OSBPL1A: variants seen among roughly 807,000 people sequenced by gnomAD.
OSBPL1A encodes oxysterol-binding protein-related protein 1.
A neutral mutation model predicts 137.1 loss-of-function variants in OSBPL1A; 80 were observed. The observed-to-expected ratio is 0.58, with a 90% CI of 0.49 to 0.70. The LOEUF is 0.70. Among genes scored for constraint, OSBPL1A ranks in the 30% least tolerant of loss-of-function variants. The probability of loss-of-function intolerance (pLI) is 0.00; values close to 1 mark genes in which losing one functional copy is unlikely to be tolerated. For synonymous variants in OSBPL1A, 365 were observed against 389.7 expected (o/e 0.94, Z 0.75); for missense variants, 970 against 1,129.4 (o/e 0.86, Z 2.02).
At chr18:24,307,739 A>T (rs959953175) in intron 13 of OSBPL1A, among the ~76,000 whole-genome samples, 1 of 152,188 alleles carries the variant, frequency 6.6e-6, no homozygotes, top group Non-Finnish European at 1.5e-5. Flanking sequence ...GTGGATGTAC[A>T]TGCAACTTTC....
chr18:24,263,198 A>G (rs1352060733), intron 15 of OSBPL1A, among the ~76,000 whole-genome samples: 1 of 152,184 alleles, frequency 6.6e-6, no homozygotes, highest in East Asian at 1.9e-4. Context: ...TGGAATCACA[A>G]CTTAGGAGGT....
chr18:24,164,420 G>GGTTTTTTTTTTTTTTTTTTTTTTTTTTTT, intron 27 of OSBPL1A, among the ~76,000 whole-genome samples: 1 of 95,970 alleles, frequency 1.0e-5, no homozygotes. Context: ...GAGATTTTTG[G>GGTTTTTTTTTTTTTTTTTTTTTTTTTTTT]TTTTTTTTTT....
rs537798242 is a variant in OSBPL1A, at chr18:24,356,235, G to A, written c.282+10657C>T. 3.3e-5 allele frequency among the ~76,000 whole-genome samples: 5 copies of A among 152,220 alleles called. No homozygotes were observed. In the South Asian group the frequency reaches 1.0e-3, roughly 32 times the overall value. On this transcript the variant is annotated intron_variant, in intron 4 of 27. Coordinates refer to ENST00000319481, the MANE Select transcript of OSBPL1A (RefSeq NM_080597.4). The stretch of plus-strand genomic sequence containing the variant: ...AGTTTCTGGACCTGAGTCAACTTTG[G>A]ACATAGAACTATTTACTGAAGGAGA...
chr18:24,355,804 G>A (rs1027940710), intron 4 of OSBPL1A, among the ~76,000 whole-genome samples: 1 of 151,962 alleles, frequency 6.6e-6, no homozygotes, highest in African/African-American at 2.4e-5. Flanking sequence ...GGCCAACATG[G>A]TGAAACCCTG....
In OSBPL1A at chr18:24,347,504, C is replaced by G. The variant is rs187367658; in HGVS notation, c.283-5846G>C. On this transcript the variant is annotated intron_variant, in intron 4 of 27. Transcript: ENST00000319481. ...CCGGCCGTAAAGCAATTTCTTAATG[C>G]AGGCTTCAGGTTTCAAGATTAGAAA... 2.0e-4 allele frequency among the ~76,000 whole-genome samples: 30 copies of G among 152,140 alleles called. 1 individual carries two copies. In the East Asian group the frequency reaches 5.4e-3, roughly 28 times the overall value.
At chr18:24,178,719 A>T (rs978293988) in intron 20 of OSBPL1A, among the ~76,000 whole-genome samples, 1 of 152,218 alleles carries the variant, frequency 6.6e-6, no homozygotes, top group Non-Finnish European at 1.5e-5. Flanking sequence ...GAACACCCAG[A>T]TGAATTTGAA....
At chr18:24,194,497 ATAC>A (rs1451028936) in intron 18 of OSBPL1A, among the ~76,000 whole-genome samples, 1 of 152,224 alleles carries the variant, frequency 6.6e-6, no homozygotes, top group Non-Finnish European at 1.5e-5. Flanking sequence ...ATACAAATAA[ATAC>A]TAATTTTTAT....
At chr18:24,230,935 T>C (rs1022117269) in intron 16 of OSBPL1A, among the ~76,000 whole-genome samples, 10 of 152,126 alleles carry the variant, frequency 6.6e-5, no homozygotes, top group African/African-American at 2.4e-4. Flanking sequence ...TTCAGGTGAC[T>C]CAGTCGATGA....
At chr18:24,312,166 A>G (rs946622023) in intron 12 of OSBPL1A, 60 bp from the exon 13 acceptor site, 8 of 1,592,268 alleles carry the variant, frequency 5.0e-6, no homozygotes, top group Non-Finnish European at 6.9e-6. Context: ...AAGAGATAAT[A>G]TTACAATGAT....
chr18:24,230,887 T>C (rs1206796289), intron 16 of OSBPL1A, among the ~76,000 whole-genome samples: 1 of 152,180 alleles, frequency 6.6e-6, no homozygotes, highest in African/African-American at 2.4e-5. Flanking sequence ...TAAGCACTTA[T>C]TTGTGGGTGT....
In OSBPL1A at chr18:24,253,412, C is replaced by T. The variant is rs118002877; in HGVS notation, c.1282-14030G>A. Among the ~76,000 whole-genome samples, 354 of 152,238 alleles carry T rather than the reference C, an allele frequency of 2.3e-3. 4 individuals carry two copies. The highest frequency in any genetic ancestry group is 0.012 in the South Asian group (56 of 4,812). ...TATAATGATAAAGAAGTAAATCCAG[C>T]AGCAGGATATAATAATTGTGTAACC... is the stretch of plus-strand genomic sequence containing the variant. On this transcript the variant is annotated intron_variant, in intron 15 of 27. Transcript: ENST00000319481.
At chr18:24,218,647 T>C (rs893991016) in intron 17 of OSBPL1A, among the ~76,000 whole-genome samples, 7 of 152,206 alleles carry the variant, frequency 4.6e-5, no homozygotes, top group Admixed American at 6.5e-5. Flanking sequence ...GGTTTCACTA[T>C]GTTGGCCAGG....
At chr18:24,245,201 T>A (rs956037683) in intron 15 of OSBPL1A, among the ~76,000 whole-genome samples, 3 of 152,046 alleles carry the variant, frequency 2.0e-5, no homozygotes, top group Admixed American at 6.5e-5. Context: ...ACTCAAGCGA[T>A]CCTCCTGCCT....
chr18:24,308,055 A>C (rs2090540682), intron 13 of OSBPL1A, among the ~76,000 whole-genome samples: 1 of 151,740 alleles, frequency 6.6e-6, no homozygotes, highest in African/African-American at 2.4e-5. Context: ...ATTTATTCTT[A>C]AATCAGAAAA....
intron 15 of OSBPL1A, among the ~76,000 whole-genome samples, chr18:24,264,137 C>T (rs940363365): frequency 6.6e-6 from 1 of 152,114 alleles, no homozygotes; most frequent in Non-Finnish European, 1.5e-5. Context: ...GCAGGACCTA[C>T]CAGTGATGAA....
chr18:24,245,729 T>C (rs2088860789), intron 15 of OSBPL1A, among the ~76,000 whole-genome samples: 1 of 152,236 alleles, frequency 6.6e-6, no homozygotes, highest in Middle Eastern at 3.2e-3. Flanking sequence ...TATAGTATAC[T>C]CTTGCTTTGT....
intron 5 of OSBPL1A, among the ~76,000 whole-genome samples, chr18:24,335,870 C>CAAAGG (rs1238942125): frequency 4.6e-5 from 7 of 152,236 alleles, no homozygotes; most frequent in Non-Finnish European, 8.8e-5. Flanking sequence ...TAAGAAATGA[C>CAAAGG]TAACATTGCT....
rs1316597144 is a variant in OSBPL1A, at chr18:24,271,521, C to G, written c.1281+9321G>C. ...AACTATTCTTGGATCTACTCACATC[C>G]CTGGATCAAGTCTGGCCGCCCTCCC... is the stretch of plus-strand genomic sequence containing the variant. On this transcript the variant is annotated intron_variant, in intron 15 of 27. Transcript: ENST00000319481. The surrounding 1 kb of genome is among the most constrained non-coding windows in gnomAD (Gnocchi z 4.0). The G allele has an allele frequency of 1.0e-6, 1 of 976,636 alleles. No homozygotes were observed. Among genetic ancestry groups the G allele is most frequent in the East Asian group, 1.1e-4 (1 of 8,786 alleles). 60.5% of individuals were successfully genotyped at this position (976,636 alleles called of 1,614,324 possible). A position where few individuals can be genotyped will look rare whatever the true frequency, so the allele number is the denominator to read the frequency against.
chr18:24,265,769 T>A (rs981132923), intron 15 of OSBPL1A, among the ~76,000 whole-genome samples: 2 of 152,172 alleles, frequency 1.3e-5, no homozygotes, highest in Admixed American at 6.5e-5. Flanking sequence ...TGTCCATGTC[T>A]GCAGCCTGGG....
Sources: allele counts gnomAD v4.1 joint callset (sites outside exome capture counted in the v4.1 genomes callset), GRCh38; gene constraint gnomAD v4.1.1; non-coding constraint Gnocchi (gnomAD v3.1); transcripts MANE v1.5; gene names NCBI Gene and HGNC (gene_info 2026-07-23, HGNC 2026-07-21).